PHACTR2: variants seen among roughly 807,000 people sequenced by gnomAD.
PHACTR2 encodes chromosome 6 open reading frame 56.
A neutral mutation model predicts 76.0 loss-of-function variants in PHACTR2; 30 were observed. The observed-to-expected ratio is 0.39, with a 90% confidence interval of 0.30 to 0.54. PHACTR2 has a LOEUF of 0.54. Ranked by LOEUF, PHACTR2 falls within the 20% of genes least tolerant of loss-of-function variation. The pLI is 0.61. For missense variants in PHACTR2, 696 were observed against 781.1 expected (o/e 0.89, Z 1.30); for synonymous variants, 292 against 292.5 (o/e 1.00, Z 0.02).
intron 9 of PHACTR2, among the ~76,000 whole-genome samples, chr6:143,779,209 C>T (rs1161945398): frequency 6.6e-6 from 1 of 152,130 alleles, no homozygotes; most frequent in East Asian, 1.9e-4. Flanking sequence ...TCTACTCAGC[C>T]CGTTTGTGTC....
intron 1 of PHACTR2, among the ~76,000 whole-genome samples, chr6:143,552,801 G>A (rs1775110549): frequency 6.6e-6 from 1 of 150,794 alleles, no homozygotes; most frequent in East Asian, 2.0e-4. Context: ...AGGAGGTTGA[G>A]GCCAGAGAAT....
At chr6:143,552,668 C>T (rs1294372224) in intron 1 of PHACTR2, among the ~76,000 whole-genome samples, 1 of 152,018 alleles carries the variant, frequency 6.6e-6, no homozygotes, top group Non-Finnish European at 1.5e-5. Context: ...CTTTGGAAGG[C>T]CAAGGCAGGT....
intron 1 of PHACTR2, among the ~76,000 whole-genome samples, chr6:143,636,763 G>A (rs1776462562): frequency 6.6e-6 from 1 of 152,124 alleles, no homozygotes; most frequent in Non-Finnish European, 1.5e-5. Context: ...TTTTCATTAT[G>A]AAGTTTGCTT....
chr6:143,787,839 A>T lies in PHACTR2; in HGVS notation c.1708-934A>T, dbSNP rs1279974405. On this transcript the variant is annotated intron_variant, in intron 10 of 12. Transcript: ENST00000440869. The surrounding 1 kb of genome is among the most constrained non-coding windows in gnomAD (Gnocchi z 4.6). ...TGGCTGTATACAGAGTATATATAAG[A>T]GAGGAAATATATGAAAATGGGCCCT... is the stretch of plus-strand genomic sequence containing the variant. Among the ~76,000 whole-genome samples, 1 of 152,164 alleles carries T rather than the reference A, an allele frequency of 6.6e-6. No individual in the cohort carries two copies. Among genetic ancestry groups the T allele is most frequent in the Non-Finnish European group, 1.5e-5 (1 of 68,032 alleles).
chr6:143,542,655 G>T (rs1352344283), intron 1 of PHACTR2, among the ~76,000 whole-genome samples: 5 of 152,178 alleles, frequency 3.3e-5, no homozygotes, highest in African/African-American at 1.2e-4. Context: ...GGCACATCAG[G>T]GGTCCTACCT....
At chr6:143,752,753 G>C (rs908830121) in intron 3 of PHACTR2, among the ~76,000 whole-genome samples, 1 of 152,128 alleles carries the variant, frequency 6.6e-6, no homozygotes, top group South Asian at 2.1e-4. Context: ...TGATTGCCAA[G>C]ATAAGAGTAG....
chr6:143,723,242 G>A (rs1264429165), intron 2 of PHACTR2, among the ~76,000 whole-genome samples: 1 of 152,188 alleles, frequency 6.6e-6, no homozygotes, highest in Non-Finnish European at 1.5e-5. Flanking sequence ...AGCCAGAAGA[G>A]AAGAGAACCA....
chr6:143,719,996 G>T (rs1380187880), intron 2 of PHACTR2, among the ~76,000 whole-genome samples: 1 of 151,754 alleles, frequency 6.6e-6, no homozygotes, highest in East Asian at 1.9e-4. Flanking sequence ...ATTTTTAGTA[G>T]AGACGGGGTT....
chr6:143,746,295 G>A (rs1247361028), intron 2 of PHACTR2, among the ~76,000 whole-genome samples: 1 of 152,158 alleles, frequency 6.6e-6, no homozygotes, highest in African/African-American at 2.4e-5. Flanking sequence ...AGGAATTCAA[G>A]GACTAGAATC....
rs1406768469 is a variant in PHACTR2, at chr6:143,825,035, A to G, written c.*1346A>G. 2 of 152,636 alleles carry G rather than the reference A, an allele frequency of 1.3e-5. No homozygotes were observed. The highest frequency in any genetic ancestry group is 3.8e-4 in the East Asian group (2 of 5,202). 9.5% of individuals were successfully genotyped at this position (152,636 alleles called of 1,614,324 possible). The stretch of plus-strand genomic sequence containing the variant: ...CTCTATTATTGTGTTGCTATTTTCC[A>G]TGGAGTCACAGGCACACTATGACTT... On this transcript the variant is annotated 3_prime_UTR_variant, in exon 13 of 13. Coordinates refer to ENST00000440869, the MANE Select transcript of PHACTR2 (RefSeq NM_001100164.2). This position sits in a 1 kb window ranked among gnomAD's most constrained non-coding sequence, Gnocchi z 4.1.
At chr6:143,756,752 C>T (rs547062563) in intron 4 of PHACTR2, among the ~76,000 whole-genome samples, 2 of 146,692 alleles carry the variant, frequency 1.4e-5, no homozygotes, top group Admixed American at 6.9e-5. Flanking sequence ...TTAAACAAAG[C>T]TTAGTATTAA....
intron 1 of PHACTR2, among the ~76,000 whole-genome samples, chr6:143,640,431 CAG>C (rs995476596): frequency 6.6e-6 from 1 of 152,126 alleles, no homozygotes; most frequent in African/African-American, 2.4e-5. Context: ...AAAAGACTTA[CAG>C]AGAGACATAA....
chr6:143,609,743 T>G (rs571026071), intron 1 of PHACTR2, among the ~76,000 whole-genome samples: 3 of 152,326 alleles, frequency 2.0e-5, no homozygotes, highest in African/African-American at 7.2e-5. Context: ...AACGATCACT[T>G]TAATTCAAGT....
intron 1 of PHACTR2, among the ~76,000 whole-genome samples, chr6:143,668,211 C>T (rs191999977): frequency 4.3e-3 from 659 of 152,290 alleles, no homozygotes; most frequent in Middle Eastern, 6.8e-3. Flanking sequence ...AGCCTTGCAT[C>T]CCACGGATGC....
Position 143,826,497 on chromosome 6 carries a change from T to C in PHACTR2, c.*2808T>C, listed in dbSNP as rs1776532935. On this transcript the variant is annotated 3_prime_UTR_variant, in exon 13 of 13. Transcript: ENST00000440869. ...TGGGTTTTCCTGAGTTCCCAAGATATGATTAAGGAAGAAAACAAACCCATC... is the reference window on the plus strand; with the variant it reads ...TGGGTTTTCCTGAGTTCCCAAGATACGATTAAGGAAGAAAACAAACCCATC... 6.6e-6 allele frequency: 1 copy of C among 152,174 alleles called. No homozygotes were observed. Among genetic ancestry groups the C allele is most frequent in the Non-Finnish European group, 1.5e-5 (1 of 68,024 alleles). 9.4% of individuals were successfully genotyped at this position (152,174 alleles called of 1,614,324 possible).
rs940555542 is a variant in PHACTR2, at chr6:143,806,267, T to C, written c.1846-790T>C. On this transcript the variant is annotated intron_variant, in intron 11 of 12. Transcript: ENST00000440869. This position sits in a 1 kb window ranked among gnomAD's most constrained non-coding sequence, Gnocchi z 5.8. ...TGACACGGATTATGTGTTCTTTAAA[T>C]AGCAATGCATTCTATTTGATATTTT... is the stretch of plus-strand genomic sequence containing the variant. Among the ~76,000 whole-genome samples the C allele has an allele frequency of 1.3e-5, 2 of 152,198 alleles. No homozygotes were observed. Among genetic ancestry groups the C allele is most frequent in the African/African-American group, 2.4e-5 (1 of 41,454 alleles).
At position 143,596,835 on chromosome 6, in the gene PHACTR2, C is replaced by G. The variant is rs1775760992; in HGVS notation, c.217+59628C>G. 1.3e-5 allele frequency among the ~76,000 whole-genome samples: 2 copies of G among 151,906 alleles called. No homozygotes were observed. The highest frequency in any genetic ancestry group is 4.8e-5 in the African/African-American group (2 of 41,358). On this transcript the variant is annotated intron_variant, in intron 1 of 11. Transcript: ENST00000367584. This position sits in a 1 kb window ranked among gnomAD's most constrained non-coding sequence, Gnocchi z 4.6. ...CTTGAGTGACAGAGTGAGACCTCATCTCAAAAAAAATAAAAATAAAAATAA... is the reference window on the plus strand; with the variant it reads ...CTTGAGTGACAGAGTGAGACCTCATGTCAAAAAAAATAAAAATAAAAATAA...
chr6:143,790,415 G>A (rs1320385160), intron 11 of PHACTR2, among the ~76,000 whole-genome samples: 1 of 152,128 alleles, frequency 6.6e-6, no homozygotes, highest in Non-Finnish European at 1.5e-5. Flanking sequence ...ATGTGAAAGA[G>A]GCAAGGAGCA....
intron 2 of PHACTR2, among the ~76,000 whole-genome samples, chr6:143,727,674 T>A (rs1340979959): frequency 2.0e-5 from 3 of 152,150 alleles, no homozygotes; most frequent in Admixed American, 6.5e-5. Context: ...GTAAGATATA[T>A]CATTGTGGTT....
Sources: gnomAD v4.1 joint callset for allele counts (sites outside exome capture counted in the v4.1 genomes callset) on GRCh38, gnomAD v4.1.1 for gene constraint, Gnocchi (gnomAD v3.1) non-coding constraint, MANE v1.5 for transcripts, NCBI Gene and HGNC (gene_info 2026-07-23, HGNC 2026-07-21) for gene names.